ZNF736: variants seen among roughly 807,000 people sequenced by gnomAD.
ZNF736 encodes the protein zinc finger protein 736, also known as KRAB-containing zinc-finger repressor protein.
A neutral mutation model predicts 11.7 loss-of-function variants in ZNF736; 6 were observed. That is an observed-to-expected ratio of 0.51 (90% CI 0.28 to 1.01). ZNF736 has a LOEUF of 1.01. ZNF736 is among the 50% of genes least tolerant of loss of function. ZNF736 has a pLI of 0.09. For synonymous variants in ZNF736, 139 were observed against 164.7 expected, an observed-to-expected ratio of 0.84 and a Z score of 1.19; for missense variants, 444 against 496.0, an observed-to-expected ratio of 0.90 and a Z score of 1.00.
Position 64,355,299 on chromosome 7 carries a change from AAT to A in ZNF736, c.*6155_*6156del, listed in dbSNP as rs1200555932. ...GAACTCTTTTCATATAGATTAATAAAATATGGTTTTAGTCTTCCTTCTCTATA... is the reference window on the plus strand; with the variant it reads ...GAACTCTTTTCATATAGATTAATAAAATGGTTTTAGTCTTCCTTCTCTATA... On this transcript the variant is annotated 3_prime_UTR_variant, in exon 4 of 4. Coordinates refer to ENST00000423484, the MANE Select transcript of ZNF736 (RefSeq NM_001170905.3). 2 of 161,928 alleles carry A rather than the reference AAT, an allele frequency of 1.2e-5. No individual in the cohort carries two copies. The highest frequency in any genetic ancestry group is 2.9e-5 in the Non-Finnish European group (2 of 68,680). The allele number at this position is 161,928 out of a possible 1,614,324, so 10.0% of individuals were successfully genotyped here. A position where few individuals can be genotyped will look rare whatever the true frequency, so the allele number is the denominator to read the frequency against.
intron 3 of ZNF736, among the ~76,000 whole-genome samples, chr7:64,347,179 C>G (rs1259197107): frequency 1.5e-5 from 2 of 130,048 alleles, no homozygotes; most frequent in Non-Finnish European, 3.3e-5. Flanking sequence ...TGGATGTTTT[C>G]TCTGAGCTTG....
chr7:64,336,183 C>G (rs1397785618), intron 1 of ZNF736, 76 bp from the exon 2 acceptor site: 1 of 1,533,052 alleles, frequency 6.5e-7, no homozygotes, highest in Non-Finnish European at 8.9e-7. Context: ...AACCAGCTAT[C>G]TTTATTCTCA....
At chr7:64,326,429 T>G (rs1438716991) in intron 1 of ZNF736, among the ~76,000 whole-genome samples, 1 of 152,254 alleles carries the variant, frequency 6.6e-6, no homozygotes, top group African/African-American at 2.4e-5. Context: ...CCTTCAGACC[T>G]GAAAGTAATT....
At chr7:64,320,685 T>G (rs583281) in intron 1 of ZNF736, among the ~76,000 whole-genome samples, 148,490 of 152,228 alleles carry the variant, frequency 0.98, 72,498 homozygotes, top group Non-Finnish European at 1. Context: ...CAAACAGGCA[T>G]TTTGAACATT....
rs1173011073 is a variant in ZNF736 at position 64,313,998 on chromosome 7, C to T, written c.-153C>T. On this transcript the variant is annotated 5_prime_UTR_variant, in exon 1 of 4. Transcript: ENST00000423484. ...ATATGGCGGGGCCTTTGTCTCCTAG[C>T]TTCCGGGCTCTGATCCTAGTTCGCG... 5 of 1,046,738 alleles carry T rather than the reference C, an allele frequency of 4.8e-6. No homozygotes were observed. In the Admixed American group the frequency reaches 6.4e-5, roughly 13 times the overall value. 64.8% of individuals were successfully genotyped at this position (1,046,738 alleles called of 1,614,324 possible).
At chr7:64,317,622 C>T (rs1273303427) in intron 1 of ZNF736, among the ~76,000 whole-genome samples, 1 of 151,996 alleles carries the variant, frequency 6.6e-6, no homozygotes, top group Non-Finnish European at 1.5e-5. Context: ...AGTAAATCTT[C>T]TTCATAAAAG....
At position 64,355,927 on chromosome 7, in the gene ZNF736, C is replaced by A. The variant is rs1325391225; in HGVS notation, c.*6780C>A. On this transcript the variant is annotated 3_prime_UTR_variant, in exon 4 of 4. Coordinates refer to ENST00000423484, the MANE Select transcript of ZNF736 (RefSeq NM_001170905.3). ...CTTCTTAGGACCTGGCAGGATCAGCCTTCAGTTCTGGGTTGATTTGGGGGC... is the reference window on the plus strand; with the variant it reads ...CTTCTTAGGACCTGGCAGGATCAGCATTCAGTTCTGGGTTGATTTGGGGGC... 2 of 194,980 alleles carry A rather than the reference C, an allele frequency of 1.0e-5. No individual in the cohort carries two copies. The highest frequency in any genetic ancestry group is 1.2e-4 in the East Asian group (1 of 8,054). The allele number at this position is 194,980 out of a possible 1,614,324, so 12.1% of individuals were successfully genotyped here.
At chr7:64,341,410 G>A (rs1789336156) in intron 3 of ZNF736, among the ~76,000 whole-genome samples, 1 of 152,032 alleles carries the variant, frequency 6.6e-6, no homozygotes, top group African/African-American at 2.4e-5. Context: ...AATGGCTGTA[G>A]CAATGAGCCA....
chr7:64,337,012 C>G, intron 3 of ZNF736, 30 bp downstream of exon 3: 1 of 1,555,862 alleles, frequency 6.4e-7, no homozygotes, highest in South Asian at 1.1e-5. Context: ...GCAGATGACA[C>G]AAATGACGGA....
Position 64,337,184 on chromosome 7 carries a change from A to G in ZNF736, c.226+202A>G, listed in dbSNP as rs78148889. Reference sequence around the variant, plus strand: ...TTTCCAAGCACTGTACTTCCCCTTCAGTAATGTGTGTGTGTGTGTTGTGTG... The same window carrying G: ...TTTCCAAGCACTGTACTTCCCCTTCGGTAATGTGTGTGTGTGTGTTGTGTG... On this transcript the variant is annotated intron_variant, in intron 3 of 3. Transcript: ENST00000423484. 908 of 561,968 alleles carry G rather than the reference A, an allele frequency of 1.6e-3. 5 individuals are homozygous for G. The African/African-American group carries it at 0.016, about 10-fold the overall frequency. The allele number at this position is 561,968 out of a possible 1,614,324, so 34.8% of individuals were successfully genotyped here. A position where few individuals can be genotyped will look rare whatever the true frequency, so the allele number is the denominator to read the frequency against.
intron 3 of ZNF736, among the ~76,000 whole-genome samples, chr7:64,346,098 T>A (rs1789406452): frequency 6.6e-6 from 1 of 152,224 alleles, no homozygotes; most frequent in South Asian, 2.1e-4. Context: ...CTATTTTTGC[T>A]TCAGTTCCGT....
In ZNF736 at chr7:64,350,835, C is replaced by G. The variant is rs1450075088; in HGVS notation, c.*1688C>G. 6.6e-6 allele frequency: 1 copy of G among 151,336 alleles called. No individual in the cohort carries two copies. Among genetic ancestry groups the G allele is most frequent in the Non-Finnish European group, 1.5e-5 (1 of 68,096 alleles). The allele number at this position is 151,336 out of a possible 1,614,324, so 9.4% of individuals were successfully genotyped here. ...TGGTGGGTGGGCAATGCTCAGCTCA[C>G]AACTCAGAGGCTGCATACTCTAACT... On this transcript the variant is annotated 3_prime_UTR_variant, in exon 4 of 4. Transcript: ENST00000423484.
At chr7:64,314,277 G>A (rs1157237824) in intron 1 of ZNF736, 124 bp downstream of exon 1, 17 of 1,241,442 alleles carry the variant, frequency 1.4e-5, no homozygotes. Flanking sequence ...CCGAGTCCCC[G>A]CGGGCACAGC....
rs964665742 is a variant in ZNF736 at position 64,349,182 on chromosome 7, G to A, written c.*35G>A. 3.5e-6 allele frequency: 5 copies of A among 1,437,412 alleles called. No individual in the cohort carries two copies. The highest frequency in any genetic ancestry group is 5.4e-5 in the Admixed American group (2 of 36,854). The allele number at this position is 1,437,412 out of a possible 1,614,324, so 89.0% of individuals were successfully genotyped here. A position where few individuals can be genotyped will look rare whatever the true frequency, so the allele number is the denominator to read the frequency against. On this transcript the variant is annotated 3_prime_UTR_variant, in exon 4 of 4. Transcript: ENST00000423484. ...AAAGCCTTTACCAAGTCCTCATACT[G>A]TGTTCAACATCTGAAATTTAATACT...
In ZNF736 at chr7:64,353,100, A is replaced by C. The variant is rs540981925; in HGVS notation, c.*3953A>C. On this transcript the variant is annotated 3_prime_UTR_variant, in exon 4 of 4. Transcript: ENST00000423484. ...TAAGTGGCTTATCTGCTGAGACTCC[A>C]TGTAGCTCTGTGTGTTAAACTGAAG... is the stretch of plus-strand genomic sequence containing the variant. 1 of 152,234 alleles carries C rather than the reference A, an allele frequency of 6.6e-6. No homozygotes were observed. The highest frequency in any genetic ancestry group is 2.4e-5 in the African/African-American group (1 of 41,440). 9.4% of individuals were successfully genotyped at this position (152,234 alleles called of 1,614,324 possible). A position where few individuals can be genotyped will look rare whatever the true frequency, so the allele number is the denominator to read the frequency against.
intron 3 of ZNF736, among the ~76,000 whole-genome samples, chr7:64,345,756 G>A (rs1241423138): frequency 2.2e-5 from 2 of 91,760 alleles, no homozygotes; most frequent in Admixed American, 1.0e-4. Flanking sequence ...AAAAAAAGGT[G>A]TGTTGTTTAA....
At chr7:64,322,382 A>C (rs1282411920) in intron 1 of ZNF736, among the ~76,000 whole-genome samples, 6 of 152,020 alleles carry the variant, frequency 3.9e-5, no homozygotes, top group Non-Finnish European at 5.9e-5. Flanking sequence ...AAATCTCTTG[A>C]GTTTCTAGGT....
At chr7:64,325,731 G>A (rs1163774574) in intron 1 of ZNF736, among the ~76,000 whole-genome samples, 1 of 152,130 alleles carries the variant, frequency 6.6e-6, no homozygotes, top group African/African-American at 2.4e-5. Context: ...TTAAATGTAT[G>A]TACATCATTT....
In ZNF736 at chr7:64,348,088, AGCTG is replaced by A; in HGVS notation, c.227_230del (p.Ala76ValfsTer15). 6.7e-7 allele frequency: 1 copy of A among 1,492,174 alleles called. No homozygotes were observed. The highest frequency in any genetic ancestry group is 8.9e-7 in the Non-Finnish European group (1 of 1,125,574). 92.4% of individuals were successfully genotyped at this position (1,492,174 alleles called of 1,614,324 possible). A position where few individuals can be genotyped will look rare whatever the true frequency, so the allele number is the denominator to read the frequency against. On this transcript the variant is annotated splice_acceptor_variant and coding_sequence_variant, in exon 4 of 4. Transcript: ENST00000423484. LOFTEE classifies it high-confidence loss of function. ...AGGGAGAATTTTATTTTTTTTCTCCAGCTGGTTCTTTTCATTTTACTGCAGAGAT... is the reference window on the plus strand; with the variant it reads ...AGGGAGAATTTTATTTTTTTTCTCCAGTTCTTTTCATTTTACTGCAGAGAT...
Sources: allele counts gnomAD v4.1 joint callset (sites outside exome capture counted in the v4.1 genomes callset), GRCh38; gene constraint gnomAD v4.1.1; transcripts MANE v1.5; gene names NCBI Gene and HGNC (gene_info 2026-07-23, HGNC 2026-07-21).